NTNG1: variants seen among roughly 807,000 people sequenced by gnomAD.
The protein encoded by NTNG1 is netrin-G1.
NTNG1 carries 16 observed loss-of-function variants against 54.0 expected under a neutral mutation model. The ratio of observed to expected loss-of-function variants is 0.30; its 90% CI spans 0.20 to 0.45. NTNG1 has a LOEUF of 0.45. Ranked by LOEUF, NTNG1 falls within the 20% of genes least tolerant of loss-of-function variation. The pLI is 1.00. For synonymous variants in NTNG1, 255 were observed against 263.1 expected (o/e 0.97, Z 0.30); for missense variants, 530 against 678.7 (o/e 0.78, Z 2.43).
rs1661170352 is a variant in NTNG1, at chr1:107,232,958, C to T, written c.246+84119C>T. Among the ~76,000 whole-genome samples the T allele has an allele frequency of 2.6e-5, 4 of 152,156 alleles. No individual in the cohort carries two copies. In the South Asian group the frequency reaches 8.3e-4, roughly 32 times the overall value. ...GATAAGGTTTATGCACAAATCTCAT[C>T]AGAATATGCTTTTTCCATTTTATGG... On this transcript the variant is annotated intron_variant, in intron 2 of 7. Transcript: ENST00000370068.
Position 107,482,643 on chromosome 1 carries a change from G to A in NTNG1, c.*1803G>A, listed in dbSNP as rs866792165. On this transcript the variant is annotated 3_prime_UTR_variant, in exon 8 of 8. Coordinates refer to ENST00000370068, the MANE Select transcript of NTNG1 (RefSeq NM_001113226.3). ...TCTTAAGGACAATGAAATTCTACAT[G>A]ACTTGGTAGAACAATAACCTATGAT... 4 of 152,154 alleles carry A rather than the reference G, an allele frequency of 2.6e-5. No individual in the cohort carries two copies. The highest frequency in any genetic ancestry group is 1.3e-4 in the Admixed American group (2 of 15,268). 9.4% of individuals were successfully genotyped at this position (152,154 alleles called of 1,614,324 possible). A position where few individuals can be genotyped will look rare whatever the true frequency, so the allele number is the denominator to read the frequency against.
intron 2 of NTNG1, among the ~76,000 whole-genome samples, chr1:107,214,100 C>T (rs1241396879): frequency 6.6e-6 from 1 of 151,740 alleles, no homozygotes; most frequent in Non-Finnish European, 1.5e-5. Flanking sequence ...CTTTTATGAT[C>T]GTTGCTTTTT....
chr1:107,261,717 C>A (rs887709472), intron 2 of NTNG1, among the ~76,000 whole-genome samples: 1 of 152,128 alleles, frequency 6.6e-6, no homozygotes, highest in Admixed American at 6.5e-5. Flanking sequence ...GTGGCGGGTG[C>A]CTGTAGTCCC....
rs1678687962 is a variant in NTNG1, at chr1:107,481,148, AAAAC to A, written c.*316_*319del. Reference sequence around the variant, plus strand: ...ACAGCCCCCCAAACAGGAAAGACAAAAAACAAACAAATCAACCGACCTAAAAACA... The same window carrying A: ...ACAGCCCCCCAAACAGGAAAGACAAAAAACAAATCAACCGACCTAAAAACA... On this transcript the variant is annotated 3_prime_UTR_variant, in exon 8 of 8. Transcript: ENST00000370068. 4.9e-6 allele frequency: 2 copies of A among 405,612 alleles called. No individual in the cohort carries two copies. Among genetic ancestry groups the A allele is most frequent in the East Asian group, 3.7e-5 (1 of 27,254 alleles). 25.1% of individuals were successfully genotyped at this position (405,612 alleles called of 1,614,324 possible).
chr1:107,171,990 A>G lies in NTNG1; in HGVS notation c.246+23151A>G, dbSNP rs1656282316. On this transcript the variant is annotated intron_variant, in intron 2 of 7. Coordinates refer to ENST00000370068, the MANE Select transcript of NTNG1 (RefSeq NM_001113226.3). ...AGAAATCTAGGAGTTTTTAGAATGA[A>G]ATGTTAACTTACTTTTAGTCTGTTT... 1.3e-5 allele frequency among the ~76,000 whole-genome samples: 2 copies of G among 151,762 alleles called. 1 individual carries two copies. The highest frequency in any genetic ancestry group is 3.9e-4 in the East Asian group (2 of 5,182).
intron 2 of NTNG1, among the ~76,000 whole-genome samples, chr1:107,317,708 T>C (rs1396468835): frequency 1.3e-5 from 2 of 152,182 alleles, no homozygotes; most frequent in Non-Finnish European, 2.9e-5. Context: ...GTATCCTTGT[T>C]GCAGAAAGGT....
intron 2 of NTNG1, among the ~76,000 whole-genome samples, chr1:107,188,365 C>G (rs1178991014): frequency 1.3e-5 from 2 of 152,116 alleles, no homozygotes; most frequent in Non-Finnish European, 2.9e-5. Flanking sequence ...ATTTAACTGA[C>G]AGGTCTATAC....
At chr1:107,171,829 C>A (rs78751063) in intron 2 of NTNG1, among the ~76,000 whole-genome samples, 2 of 152,284 alleles carry the variant, frequency 1.3e-5, no homozygotes, top group African/African-American at 2.4e-5. Context: ...GAGTTACCAG[C>A]GATTTCCTAG....
At chr1:107,168,800 CA>C (rs1656003284) in intron 2 of NTNG1, among the ~76,000 whole-genome samples, 1 of 152,118 alleles carries the variant, frequency 6.6e-6, no homozygotes, top group South Asian at 2.1e-4. Flanking sequence ...TCTGCAGAAA[CA>C]TCTCAAAATA....
chr1:107,356,017 G>A (rs998664679), intron 3 of NTNG1, among the ~76,000 whole-genome samples: 12 of 152,082 alleles, frequency 7.9e-5, no homozygotes, highest in Admixed American at 2.6e-4. Context: ...CATATTTTGG[G>A]CTGTTTTACC....
chr1:107,242,357 C>T (rs1174006224), intron 2 of NTNG1, among the ~76,000 whole-genome samples: 1 of 152,132 alleles, frequency 6.6e-6, no homozygotes, highest in Non-Finnish European at 1.5e-5. Flanking sequence ...CTCTCTCTCA[C>T]TCTCTCTTTC....
At chr1:107,407,885 A>C (rs754272896) in intron 5 of NTNG1, 177 bp downstream of exon 5, 14 of 752,752 alleles carry the variant, frequency 1.9e-5, no homozygotes, top group Non-Finnish European at 3.4e-5. Context: ...ACACAGATAA[A>C]GTGATTATTT....
intron 2 of NTNG1, among the ~76,000 whole-genome samples, chr1:107,236,395 A>AT (rs1266716208): frequency 2.0e-5 from 3 of 152,188 alleles, no homozygotes; most frequent in African/African-American, 7.2e-5. Context: ...GACCTAAGGC[A>AT]TATGTGTTAT....
chr1:107,246,335 G>A (rs1032361128), intron 2 of NTNG1, among the ~76,000 whole-genome samples: 1 of 151,240 alleles, frequency 6.6e-6, no homozygotes, highest in African/African-American at 2.4e-5. Flanking sequence ...TTACAGGCTT[G>A]AGTTTATTTA....
At chr1:107,344,642 AT>A (rs1473578332) in intron 3 of NTNG1, among the ~76,000 whole-genome samples, 1 of 152,076 alleles carries the variant, frequency 6.6e-6, no homozygotes, top group Non-Finnish European at 1.5e-5. Flanking sequence ...ATTCTGTTGT[AT>A]TTGTGAGGTT....
At chr1:107,339,620 A>G (rs1668785035) in intron 3 of NTNG1, among the ~76,000 whole-genome samples, 1 of 152,112 alleles carries the variant, frequency 6.6e-6, no homozygotes, top group Admixed American at 6.6e-5. Context: ...AGTTCTGTTT[A>G]GTAAACTAGA....
At chr1:107,398,678 A>G (rs996223328) in intron 4 of NTNG1, among the ~76,000 whole-genome samples, 22 of 152,126 alleles carry the variant, frequency 1.4e-4, no homozygotes, top group African/African-American at 5.3e-4. Context: ...GTTTTCTTGG[A>G]CTTTTAAAGC....
intron 7 of NTNG1, among the ~76,000 whole-genome samples, chr1:107,459,487 G>A (rs1677147361): frequency 6.6e-6 from 1 of 151,820 alleles, no homozygotes; most frequent in Non-Finnish European, 1.5e-5. Context: ...AAGAGAAGAT[G>A]GGGGAGGAAA....
intron 2 of NTNG1, among the ~76,000 whole-genome samples, chr1:107,232,091 T>C (rs1304437225): frequency 1.3e-5 from 2 of 152,186 alleles, no homozygotes; most frequent in Admixed American, 6.6e-5. Flanking sequence ...TTGGTCCTTA[T>C]TGTCTTAAGT....
Sources: allele counts gnomAD v4.1 joint callset (sites outside exome capture counted in the v4.1 genomes callset), GRCh38; gene constraint gnomAD v4.1.1; transcripts MANE v1.5; gene names NCBI Gene and HGNC (gene_info 2026-07-23, HGNC 2026-07-21).